Variants in EPB41L3 observed in about 807,000 individuals in gnomAD.
The protein encoded by EPB41L3 is band 4.1-like protein 3.
In EPB41L3, 57 loss-of-function variants were observed where a neutral mutation model predicts 127.1. The observed-to-expected ratio is 0.45, with a 90% CI of 0.36 to 0.56. EPB41L3 has a LOEUF of 0.56. Ranked by LOEUF, EPB41L3 falls within the 20% of genes least tolerant of loss-of-function variation. The pLI is 0.00. For synonymous variants in EPB41L3, 572 were observed against 549.5 expected, an observed-to-expected ratio of 1.04 and a Z score of -0.57; for missense variants, 1,273 against 1,372.2, an observed-to-expected ratio of 0.93 and a Z score of 1.14.
At chr18:5,509,954 T>A (rs2092429737) in intron 1 of EPB41L3, among the ~76,000 whole-genome samples, 1 of 152,170 alleles carries the variant, frequency 6.6e-6, no homozygotes, top group Admixed American at 6.5e-5. Flanking sequence ...GAAGAACCCA[T>A]ACTCCTAGAA....
chr18:5,400,419 C>T (rs1340304636), intron 16 of EPB41L3: 8 of 392,676 alleles, frequency 2.0e-5, no homozygotes, highest in African/African-American at 1.1e-4. Context: ...TCTAGAAATA[C>T]GTGTGCCTTT....
intron 3 of EPB41L3, among the ~76,000 whole-genome samples, chr18:5,561,551 C>T (rs2094135904): frequency 6.6e-6 from 1 of 152,118 alleles, no homozygotes; most frequent in Non-Finnish European, 1.5e-5. Context: ...AAAGAAACAA[C>T]TCTTCCTTAT....
At chr18:5,474,345 G>A (rs552781127) in intron 3 of EPB41L3, among the ~76,000 whole-genome samples, 6 of 152,270 alleles carry the variant, frequency 3.9e-5, no homozygotes, top group African/African-American at 7.2e-5. Context: ...TAGAAACATC[G>A]GTGGGGAGAT....
intron 1 of EPB41L3, among the ~76,000 whole-genome samples, chr18:5,526,987 A>G (rs977625205): frequency 6.6e-6 from 1 of 150,946 alleles, no homozygotes; most frequent in Admixed American, 6.6e-5. Context: ...TCCAAATTAC[A>G]AGACAATAGA....
intron 2 of EPB41L3, among the ~76,000 whole-genome samples, chr18:5,487,403 A>T (rs564752079): frequency 6.7e-4 from 100 of 149,516 alleles, no homozygotes; most frequent in African/African-American, 2.3e-3. Context: ...TATAATATAT[A>T]TATTTTTTAT....
chr18:5,455,881 C>T (rs756255493), intron 3 of EPB41L3, among the ~76,000 whole-genome samples: 2 of 150,756 alleles, frequency 1.3e-5, no homozygotes, highest in Non-Finnish European at 1.5e-5. Flanking sequence ...GCAAAATGAA[C>T]GCAGAAAAGG....
chr18:5,598,990 G>GT (rs1487909898), intron 3 of EPB41L3, among the ~76,000 whole-genome samples: 8 of 152,190 alleles, frequency 5.3e-5, no homozygotes, highest in African/African-American at 1.9e-4. Context: ...GGAAAGAAGA[G>GT]TTCATGCCAT....
At chr18:5,619,088 C>G (rs1217135457) in intron 1 of EPB41L3, among the ~76,000 whole-genome samples, 2 of 152,202 alleles carry the variant, frequency 1.3e-5, no homozygotes, top group East Asian at 3.9e-4. Context: ...CTACTGAACC[C>G]CTACTGTGTG....
At chr18:5,540,232 T>C in intron 1 of EPB41L3, 2 of 554,500 alleles carry the variant, frequency 3.6e-6, no homozygotes, top group Non-Finnish European at 2.3e-6. Context: ...CTTTCTACTA[T>C]TTCACAAAAA....
chr18:5,630,093 G>T (rs978948154), upstream of EPB41L3, among the ~76,000 whole-genome samples: 39 of 152,302 alleles, frequency 2.6e-4, no homozygotes, highest in African/African-American at 7.9e-4. Flanking sequence ...AACACAGCGC[G>T]CAGGCGGTCG....
At chr18:5,553,225 G>A (rs928962716) in intron 3 of EPB41L3, among the ~76,000 whole-genome samples, 2 of 152,152 alleles carry the variant, frequency 1.3e-5, no homozygotes, top group Non-Finnish European at 2.9e-5. Flanking sequence ...TTGTTAACTT[G>A]TATTTACCTC....
chr18:5,537,069 A>G (rs1369783680), intron 1 of EPB41L3, among the ~76,000 whole-genome samples: 1 of 152,170 alleles, frequency 6.6e-6, no homozygotes, highest in Non-Finnish European at 1.5e-5. Context: ...CATTTTATAA[A>G]CGAGCAAACA....
chr18:5,583,516 T>C (rs1278116763), intron 3 of EPB41L3, among the ~76,000 whole-genome samples: 1 of 152,220 alleles, frequency 6.6e-6, no homozygotes, highest in Non-Finnish European at 1.5e-5. Flanking sequence ...ATTATCTGGA[T>C]TCAACTGACT....
intron 2 of EPB41L3, among the ~76,000 whole-genome samples, chr18:5,483,708 A>G (rs563112418): frequency 6.6e-6 from 1 of 152,068 alleles, no homozygotes; most frequent in Non-Finnish European, 1.5e-5. Flanking sequence ...CAAATCTAAG[A>G]CTAAAATGAG....
chr18:5,625,120 C>T (rs1285536443), intron 1 of EPB41L3, among the ~76,000 whole-genome samples: 1 of 151,940 alleles, frequency 6.6e-6, no homozygotes, highest in African/African-American at 2.4e-5. Context: ...GCTTTGAATA[C>T]AAATCAAAAG....
intron 1 of EPB41L3, among the ~76,000 whole-genome samples, chr18:5,528,450 A>G (rs2093307770): frequency 6.6e-6 from 1 of 152,136 alleles, no homozygotes; most frequent in African/African-American, 2.4e-5. Context: ...TGCTGGGATT[A>G]CAGACCCTGA....
At chr18:5,627,063 G>A (rs766020490) in intron 1 of EPB41L3, among the ~76,000 whole-genome samples, 3 of 152,136 alleles carry the variant, frequency 2.0e-5, no homozygotes, top group African/African-American at 7.2e-5. Flanking sequence ...CTGACCTTCC[G>A]CGGACTTCTC....
At chr18:5,439,049 T>C (rs893336946) in intron 5 of EPB41L3, among the ~76,000 whole-genome samples, 1 of 152,266 alleles carries the variant, frequency 6.6e-6, no homozygotes, top group East Asian at 1.9e-4. Flanking sequence ...GGCCTTCAAA[T>C]GCAGTAACTT....
intron 9 of EPB41L3, 88 bp from the exon 10 acceptor site, chr18:5,424,447 C>T (rs2077889333): frequency 2.9e-6 from 3 of 1,049,186 alleles, no homozygotes; most frequent in South Asian, 3.5e-5. Context: ...CATGATGCCA[C>T]CAGAATTTTA....
Sources: gnomAD v4.1 joint callset for allele counts (sites outside exome capture counted in the v4.1 genomes callset) on GRCh38, gnomAD v4.1.1 for gene constraint, MANE v1.5 for transcripts, NCBI Gene and HGNC (gene_info 2026-07-23, HGNC 2026-07-21) for gene names.